The following BTG4 variants were observed in gnomAD, a reference collection of about 807,000 sequenced individuals.
BTG4 encodes the protein BTG anti-proliferation factor 4.
A neutral mutation model predicts 19.3 loss-of-function variants in BTG4; 10 were observed. That is an observed-to-expected ratio of 0.52 (90% CI 0.32 to 0.88). The LOEUF (loss-of-function observed/expected upper bound fraction) is 0.88, where lower values mean the gene tolerates loss of function less well. BTG4 is among the 40% of genes least tolerant of loss of function. BTG4 has a pLI of 0.04. For synonymous variants in BTG4, 91 were observed against 95.7 expected (o/e 0.95, Z 0.29); for missense variants, 238 against 281.9 (o/e 0.84, Z 1.11).
chr11:111,477,573 C>T (rs1261338157), intron 5 of BTG4, among the ~76,000 whole-genome samples: 1 of 151,972 alleles, frequency 6.6e-6, no homozygotes, highest in African/African-American at 2.4e-5. Context: ...CTGGGCAATA[C>T]ACATAAAAGA....
At chr11:111,456,373 C>G in the BTG4 span, 2 of 388,858 alleles carry the variant, frequency 5.1e-6, no homozygotes, top group African/African-American at 2.1e-5. The surrounding 1 kb of genome is among the most constrained non-coding windows in gnomAD (Gnocchi z 4.2). Context: ...ACCCCTGCCC[C>G]CTCAGGAGCA....
chr11:111,389,780 T>C, the BTG4 span, among the ~76,000 whole-genome samples: 1 of 152,118 alleles, frequency 6.6e-6, no homozygotes, highest in African/African-American at 2.4e-5. Flanking sequence ...ATGAGTACGT[T>C]TTTCTTTTAA....
intron 3 of BTG4, 137 bp downstream of exon 3, chr11:111,497,861 C>T (rs552280977): frequency 2.1e-6 from 2 of 942,632 alleles, no homozygotes; most frequent in African/African-American, 1.7e-5. Context: ...CAGAAGTTTG[C>T]ATCTAAAATC....
intron 5 of BTG4, among the ~76,000 whole-genome samples, chr11:111,486,873 T>C (rs1042160575): frequency 1.3e-5 from 2 of 152,220 alleles, no homozygotes; most frequent in Non-Finnish European, 2.9e-5. Flanking sequence ...GTTTGTTATA[T>C]AGGTAAACAT....
intron 3 of BTG4, among the ~76,000 whole-genome samples, 196 bp from the exon 4 acceptor site, chr11:111,497,605 A>C (rs867081728): frequency 2.3e-4 from 35 of 152,338 alleles, no homozygotes; most frequent in East Asian, 2.1e-3. Context: ...ATTGTTCAGA[A>C]AAAAACAAAG....
intron 1 of BTG4, among the ~76,000 whole-genome samples, chr11:111,505,468 T>C (rs1426093259): frequency 8.6e-5 from 13 of 151,936 alleles, no homozygotes; most frequent in Admixed American, 8.5e-4. Flanking sequence ...TATACAAAAT[T>C]AACTATAGAT....
chr11:111,506,290 T>C lies in BTG4; in HGVS notation c.-27+5891A>G, dbSNP rs545890158. Reference sequence around the variant, plus strand: ...GGTGTATATATACACAATGGAATACTACACAATCATAAAAGAAGAATGAAA... The same window carrying C: ...GGTGTATATATACACAATGGAATACCACACAATCATAAAAGAAGAATGAAA... On this transcript the variant is annotated intron_variant, in intron 1 of 4. Transcript: ENST00000692032. Among the ~76,000 whole-genome samples the C allele has an allele frequency of 2.0e-5, 3 of 152,204 alleles. No homozygotes were observed. In the East Asian group the frequency reaches 5.8e-4, roughly 29 times the overall value.
At chr11:111,388,525 T>C in the BTG4 span, among the ~76,000 whole-genome samples, 1 of 152,186 alleles carries the variant, frequency 6.6e-6, no homozygotes, top group Non-Finnish European at 1.5e-5. Context: ...AGCTTAAGTG[T>C]AGCATGGAAC....
At chr11:111,398,509 A>G in the BTG4 span, among the ~76,000 whole-genome samples, 1 of 151,878 alleles carries the variant, frequency 6.6e-6, no homozygotes, top group Non-Finnish European at 1.5e-5. Flanking sequence ...GCTGGAGTGC[A>G]GTGGCTCAAT....
chr11:111,456,513 AG>A, the BTG4 span: 1 of 456,484 alleles, frequency 2.2e-6, no homozygotes, highest in South Asian at 1.5e-5. This position sits in a 1 kb window ranked among gnomAD's most constrained non-coding sequence, Gnocchi z 4.2. Context: ...GCTTTCCTGC[AG>A]CCCCAGCAGG....
At chr11:111,398,830 T>G in the BTG4 span, among the ~76,000 whole-genome samples, 2 of 152,126 alleles carry the variant, frequency 1.3e-5, no homozygotes, top group African/African-American at 4.8e-5. Context: ...GGCCCAGTCT[T>G]CTACATTTCA....
chr11:111,487,463 A>G (rs1865138461), intron 5 of BTG4, among the ~76,000 whole-genome samples: 1 of 152,322 alleles, frequency 6.6e-6, no homozygotes, highest in Non-Finnish European at 1.5e-5. Context: ...AACATACCTC[A>G]AAATCATAAA....
the BTG4 span, among the ~76,000 whole-genome samples, chr11:111,398,768 C>A: frequency 6.6e-6 from 1 of 151,958 alleles, no homozygotes; most frequent in Non-Finnish European, 1.5e-5. Context: ...GTGAGATTCA[C>A]CTGTGGAGTT....
intron 5 of BTG4, among the ~76,000 whole-genome samples, chr11:111,482,489 G>T (rs1428512200): frequency 1.3e-5 from 2 of 152,018 alleles, no homozygotes; most frequent in Non-Finnish European, 2.9e-5. Flanking sequence ...AAAGAAACTG[G>T]AATAGCTAAA....
At chr11:111,430,357 T>C in the BTG4 span, among the ~76,000 whole-genome samples, 2,816 of 152,338 alleles carry the variant, frequency 0.018, 98 homozygotes, top group African/African-American at 0.062. Context: ...TTTGAATCCT[T>C]GACTAGCCTT....
At chr11:111,385,110 C>T in the BTG4 span, 6 of 152,096 alleles carry the variant, frequency 3.9e-5, no homozygotes, top group African/African-American at 1.4e-4. Context: ...AAAAATAAAA[C>T]AAAAGTTAAA....
chr11:111,412,008 T>C, the BTG4 span, among the ~76,000 whole-genome samples: 5 of 152,088 alleles, frequency 3.3e-5, no homozygotes, highest in Admixed American at 6.5e-5. Context: ...CAGACAGAAA[T>C]ATGATAAGTC....
chr11:111,459,122 A>C, the BTG4 span, among the ~76,000 whole-genome samples: 137 of 152,094 alleles, frequency 9.0e-4, no homozygotes, highest in Non-Finnish European at 1.8e-3. Context: ...GGAGCCTGTA[A>C]TCTCAGCTAC....
intron 1 of BTG4, among the ~76,000 whole-genome samples, chr11:111,503,577 T>A (rs1337254874): frequency 1.3e-5 from 2 of 151,244 alleles, no homozygotes; most frequent in Non-Finnish European, 3.0e-5. Context: ...AACAGGATGG[T>A]GTTCTGTTTG....
Sources: allele counts gnomAD v4.1 joint callset (sites outside exome capture counted in the v4.1 genomes callset), GRCh38; gene constraint gnomAD v4.1.1; non-coding constraint Gnocchi (gnomAD v3.1); transcripts MANE v1.5; gene names NCBI Gene and HGNC (gene_info 2026-07-23, HGNC 2026-07-21).